The following BCAR3 variants were observed in gnomAD, a reference collection of about 807,000 sequenced individuals.
BCAR3 encodes BCAR3 adaptor protein, NSP family member.
A neutral mutation model predicts 80.1 loss-of-function variants in BCAR3; 37 were observed. The ratio of observed to expected loss-of-function variants is 0.46; its 90% CI spans 0.36 to 0.61. BCAR3 has a LOEUF of 0.61. Ranked by LOEUF, BCAR3 falls within the 20% of genes least tolerant of loss-of-function variation. The pLI is 0.00. For missense variants in BCAR3, 978 were observed against 1,068.2 expected, an observed-to-expected ratio of 0.92 and a Z score of 1.18; for synonymous variants, 389 against 418.9, an observed-to-expected ratio of 0.93 and a Z score of 0.87.
intron 2 of BCAR3, among the ~76,000 whole-genome samples, chr1:93,812,326 T>C (rs1418526502): frequency 6.6e-6 from 1 of 152,156 alleles, no homozygotes; most frequent in Non-Finnish European, 1.5e-5. Flanking sequence ...CTAGTTTTCC[T>C]ACCTCAAGTC....
At chr1:93,647,840 T>G (rs236303) in intron 2 of BCAR3, among the ~76,000 whole-genome samples, 6,364 of 152,200 alleles carry the variant, frequency 0.042, 201 homozygotes, top group East Asian at 0.082. Flanking sequence ...TGGTGTGATC[T>G]TGGCTCACTG....
At chr1:93,684,091 T>C (rs1648892552), upstream of BCAR3, among the ~76,000 whole-genome samples, 1 of 152,204 alleles carries the variant, frequency 6.6e-6, no homozygotes, top group Admixed American at 6.5e-5. Flanking sequence ...CCTACTTCAT[T>C]AGAAGCATGA....
At position 93,589,257 on chromosome 1, in the gene BCAR3, ACTGCACGCGGCTGTAG is replaced by A; in HGVS notation, c.633_648del (p.Tyr212ThrfsTer73). ...TCGAAGCTCTCCATCTCGAACTGGT[ACTGCACGCGGCTGTAG>A]GCCTCGCTGAGTCGCAGAACTGTCC... On this transcript the variant is annotated frameshift_variant, in exon 5 of 12. Coordinates refer to ENST00000260502, the MANE Select transcript of BCAR3 (RefSeq NM_003567.4). LOFTEE classifies it high-confidence loss of function. 1 of 1,614,214 alleles carries A rather than the reference ACTGCACGCGGCTGTAG, an allele frequency of 6.2e-7. No homozygotes were observed. Among genetic ancestry groups the A allele is most frequent in the Non-Finnish European group, 8.5e-7 (1 of 1,180,042 alleles).
At position 93,582,602 on chromosome 1, in the gene BCAR3, T is replaced by A; in HGVS notation, c.1385A>T (p.Gln462Leu). ...GTTCCGGGGACCTGGCGCCTCATTC[T>A]GCTTGGCTGTGAGCAGTTCTGTGTG... ...GSHTELLTAK[Q>L]NEAPGPRNSG... Residue 462 changes from glutamine to leucine, a missense_variant, in exon 7 of 12, where the codon CAG becomes CTG. Gln to Leu is a moderately radical substitution (Grantham distance 113). Coordinates refer to ENST00000260502, the MANE Select transcript of BCAR3 (RefSeq NM_003567.4). 6.2e-7 allele frequency: 1 copy of A among 1,613,888 alleles called. No individual in the cohort carries two copies. The highest frequency in any genetic ancestry group is 8.5e-7 in the Non-Finnish European group (1 of 1,179,926).
At position 93,592,125 on chromosome 1, in the gene BCAR3, GA is replaced by G. The variant is rs1674229774; in HGVS notation, c.486+139del. The G allele has an allele frequency of 1.6e-6, 2 of 1,234,928 alleles. No homozygotes were observed. Among genetic ancestry groups the G allele is most frequent in the Non-Finnish European group, 1.1e-6 (1 of 902,136 alleles). The allele number at this position is 1,234,928 out of a possible 1,614,324, so 76.5% of individuals were successfully genotyped here. ...GGTCTTCTTAGAGAAGGGTCTAAAT[GA>G]AGTCATTTTTAGAGTATTTGTTTTT... On this transcript the variant is annotated intron_variant, in intron 4 of 11. Coordinates refer to ENST00000260502, the MANE Select transcript of BCAR3 (RefSeq NM_003567.4). The surrounding 1 kb of genome is among the most constrained non-coding windows in gnomAD (Gnocchi z 4.8).
intron 3 of BCAR3, among the ~76,000 whole-genome samples, chr1:93,641,715 C>T (rs1001202385): frequency 2.6e-5 from 4 of 152,190 alleles, no homozygotes; most frequent in African/African-American, 9.7e-5. Context: ...TAGCCCTGAA[C>T]AAGAGGGTGG....
rs1648787125 is a variant in BCAR3, at chr1:93,681,810, CCGCCCGGCCAGCAGCAGGCGCAGCT to C, written c.-249_-225del. The C allele has an allele frequency of 6.6e-6, 1 of 152,168 alleles. No homozygotes were observed. Among genetic ancestry groups the C allele is most frequent in the Admixed American group, 6.5e-5 (1 of 15,280 alleles). The allele number at this position is 152,168 out of a possible 1,614,324, so 9.4% of individuals were successfully genotyped here. On this transcript the variant is annotated 5_prime_UTR_variant, in exon 1 of 12. Transcript: ENST00000260502. ...CCGGCTCCGGTCCCGGCCCCGTCCC[CCGCCCGGCCAGCAGCAGGCGCAGCT>C]CTGAGCCGGCGGCGCGCACTCCGGC...
intron 2 of BCAR3, among the ~76,000 whole-genome samples, chr1:93,811,464 A>G (rs928030558): frequency 6.6e-6 from 1 of 152,248 alleles, no homozygotes; most frequent in Non-Finnish European, 1.5e-5. Context: ...ACAGCTGCTA[A>G]GTATCAGAGA....
chr1:93,726,811 A>G (rs1412626110), intron 2 of BCAR3, among the ~76,000 whole-genome samples: 1 of 152,242 alleles, frequency 6.6e-6, no homozygotes, highest in Non-Finnish European at 1.5e-5. Flanking sequence ...ACAAACCACT[A>G]AATTTCTGCC....
intron 2 of BCAR3, among the ~76,000 whole-genome samples, chr1:93,764,988 G>A (rs1652096146): frequency 6.6e-6 from 1 of 152,132 alleles, no homozygotes; most frequent in South Asian, 2.1e-4. Flanking sequence ...CTTACGCCAG[G>A]CAGCCCTAAG....
At chr1:93,761,840 T>C (rs1651957572) in intron 2 of BCAR3, among the ~76,000 whole-genome samples, 1 of 152,188 alleles carries the variant, frequency 6.6e-6, no homozygotes, top group Admixed American at 6.5e-5. Context: ...GCCAGTCCAT[T>C]GATTACATCA....
intron 2 of BCAR3, among the ~76,000 whole-genome samples, chr1:93,841,379 G>T (rs977311928): frequency 6.6e-6 from 1 of 152,244 alleles, no homozygotes; most frequent in East Asian, 1.9e-4. Flanking sequence ...TTAAATGAAT[G>T]AATGTGGTCT....
chr1:93,599,848 G>C (rs1029241902), intron 3 of BCAR3: 1 of 152,090 alleles, frequency 6.6e-6, no homozygotes, highest in South Asian at 2.1e-4. Context: ...CCTCAGAATC[G>C]GCTTCCATTG....
chr1:93,747,552 C>T (rs1651402326), intron 2 of BCAR3, among the ~76,000 whole-genome samples: 1 of 151,608 alleles, frequency 6.6e-6, no homozygotes, highest in Admixed American at 6.6e-5. Context: ...TCCCCTGTGT[C>T]CCACCACCAC....
intron 8 of BCAR3, among the ~76,000 whole-genome samples, chr1:93,574,215 C>T (rs1475870441): frequency 2.6e-5 from 4 of 152,178 alleles, no homozygotes; most frequent in African/African-American, 9.7e-5. Context: ...AGCAAAAGCT[C>T]CTGTGGTTGG....
intron 3 of BCAR3, among the ~76,000 whole-genome samples, chr1:93,703,460 G>A (rs1484318778): frequency 1.3e-5 from 2 of 151,656 alleles, no homozygotes; most frequent in Non-Finnish European, 2.9e-5. Flanking sequence ...CTACCTACTC[G>A]GGAGGCTAAG....
intron 3 of BCAR3, among the ~76,000 whole-genome samples, chr1:93,593,538 A>G (rs1309052963): frequency 6.6e-6 from 1 of 151,276 alleles, no homozygotes; most frequent in Non-Finnish European, 1.5e-5. Flanking sequence ...TGCCTGGCTA[A>G]TTTTTGTAAT....
intron 1 of BCAR3, among the ~76,000 whole-genome samples, chr1:93,846,416 C>A (rs1419962772): frequency 3.9e-5 from 6 of 152,192 alleles, no homozygotes; most frequent in Admixed American, 3.3e-4. Flanking sequence ...GGGGGCCGGG[C>A]GTTCGGTCTC....
chr1:93,822,174 T>C (rs1256790355), intron 2 of BCAR3, among the ~76,000 whole-genome samples: 1 of 149,540 alleles, frequency 6.7e-6, no homozygotes, highest in Non-Finnish European at 1.5e-5. Flanking sequence ...ATCTTTGTGA[T>C]GTTTTTTTTT....
Sources: gnomAD v4.1 joint callset for allele counts (sites outside exome capture counted in the v4.1 genomes callset) on GRCh38, gnomAD v4.1.1 for gene constraint, Gnocchi (gnomAD v3.1) non-coding constraint, MANE v1.5 for transcripts, NCBI Gene and HGNC (gene_info 2026-07-23, HGNC 2026-07-21) for gene names.